Variants in CDH2 observed in about 807,000 individuals in gnomAD.
CDH2 encodes cadherin-2.
Under a neutral mutation model 92.0 loss-of-function variants are expected in CDH2, and 17 were observed. That is an observed-to-expected ratio of 0.18 (90% CI 0.13 to 0.28). CDH2 has a LOEUF of 0.28. CDH2 is among the 10% of genes least tolerant of loss of function. CDH2 has a pLI of 1.00. For synonymous variants in CDH2, 419 were observed against 415.9 expected, an observed-to-expected ratio of 1.01 and a Z score of -0.09; for missense variants, 862 against 1,133.1, an observed-to-expected ratio of 0.76 and a Z score of 3.44.
At chr18:27,947,631 A>G (rs1961039519), downstream of CDH2, among the ~76,000 whole-genome samples, 1 of 151,866 alleles carries the variant, frequency 6.6e-6, no homozygotes, top group South Asian at 2.1e-4. Flanking sequence ...TGCTTATATG[A>G]CAACTGTGAT....
chr18:27,937,399 C>G (rs1485140787), intron 6 of CDH2, among the ~76,000 whole-genome samples: 16 of 152,072 alleles, frequency 1.1e-4, no homozygotes, highest in African/African-American at 3.9e-4. Flanking sequence ...TTAGTTTACT[C>G]ACCGGTAAGA....
At chr18:28,082,857 T>C (rs2014857246) in intron 2 of CDH2, among the ~76,000 whole-genome samples, 1 of 152,198 alleles carries the variant, frequency 6.6e-6, no homozygotes, top group Non-Finnish European at 1.5e-5. Flanking sequence ...GAAAAGTATT[T>C]CAGCACTGGT....
chr18:27,963,390 T>G lies in CDH2; in HGVS notation c.2481A>C (p.Pro827=). 1 of 1,614,038 alleles carries G rather than the reference T, an allele frequency of 6.2e-7. No homozygotes were observed. The highest frequency in any genetic ancestry group is 1.1e-5 in the South Asian group (1 of 91,070). Residue 827 remains proline (P), a synonymous_variant, in exon 15 of 16, where the codon CCA becomes CCC. Coordinates refer to ENST00000269141, the MANE Select transcript of CDH2 (RefSeq NM_001792.5). ...EPQYPVRSAA[P]HPGDIGDFIN... Reference sequence around the variant, plus strand: ...TGAAGTCCCCAATGTCTCCAGGGTGTGGGGCTGCAGATCGGACCGGATACT... The same window carrying G: ...TGAAGTCCCCAATGTCTCCAGGGTGGGGGGCTGCAGATCGGACCGGATACT...
chr18:28,134,571 A>G lies in CDH2; in HGVS notation c.172+13102T>C, dbSNP rs2015830468. On this transcript the variant is annotated intron_variant, in intron 2 of 15. Coordinates refer to ENST00000269141, the MANE Select transcript of CDH2 (RefSeq NM_001792.5). The stretch of plus-strand genomic sequence containing the variant: ...CAAAAAATTAAAAAATTAGCTGGGC[A>G]TGGTGGTGCATGCCTGTAGTCCCAG... 2.6e-5 allele frequency among the ~76,000 whole-genome samples: 4 copies of G among 152,228 alleles called. No homozygotes were observed. The South Asian group carries it at 6.2e-4, about 24-fold the overall frequency.
chr18:28,015,139 GTTC>G (rs765947426), intron 2 of CDH2, among the ~76,000 whole-genome samples: 4 of 152,242 alleles, frequency 2.6e-5, no homozygotes, highest in Admixed American at 1.3e-4. Context: ...GCTGCTGACA[GTTC>G]TTCTGCTGTC....
At chr18:28,154,516 A>G (rs577367920) in intron 1 of CDH2, among the ~76,000 whole-genome samples, 1 of 152,306 alleles carries the variant, frequency 6.6e-6, no homozygotes, top group East Asian at 1.9e-4. Context: ...GTGTAATAGG[A>G]GTTGAGGAGT....
intron 15 of CDH2, among the ~76,000 whole-genome samples, chr18:27,956,195 T>G (rs574051847): frequency 6.6e-6 from 1 of 152,322 alleles, no homozygotes; most frequent in South Asian, 2.1e-4. Flanking sequence ...CAGGATGTAC[T>G]GTTACCAAAT....
intron 1 of CDH2, among the ~76,000 whole-genome samples, chr18:28,163,665 G>A (rs1598520207): frequency 6.6e-6 from 1 of 152,212 alleles, no homozygotes; most frequent in Non-Finnish European, 1.5e-5. Context: ...AGCATGCAAT[G>A]CTCTACAGCA....
intron 15 of CDH2, among the ~76,000 whole-genome samples, chr18:27,958,466 T>C (rs1456644372): frequency 6.6e-6 from 1 of 150,522 alleles, no homozygotes; most frequent in Non-Finnish European, 1.5e-5. Context: ...AAAATCTCTT[T>C]ATATATGTAT....
intron 11 of CDH2, among the ~76,000 whole-genome samples, chr18:27,986,034 C>G (rs892767174): frequency 6.6e-6 from 1 of 152,120 alleles, no homozygotes; most frequent in Admixed American, 6.6e-5. Context: ...ACCCTCCCTG[C>G]CCCTCCTGCC....
At chr18:28,175,921 G>A (rs920743590) in intron 1 of CDH2, among the ~76,000 whole-genome samples, 1 of 152,186 alleles carries the variant, frequency 6.6e-6, no homozygotes, top group Non-Finnish European at 1.5e-5. Context: ...CACCCGCCCA[G>A]CTAGAGGGTC....
intron 7 of CDH2, among the ~76,000 whole-genome samples, chr18:27,999,401 G>A (rs532015324): frequency 3.3e-5 from 5 of 152,112 alleles, no homozygotes; most frequent in Admixed American, 6.5e-5. Context: ...ACCTGTAGAG[G>A]AAGGAAGATT....
chr18:28,015,744 G>C (rs921797636), intron 2 of CDH2, among the ~76,000 whole-genome samples: 3 of 151,958 alleles, frequency 2.0e-5, no homozygotes, highest in Non-Finnish European at 4.4e-5. Flanking sequence ...AAGCCTCCTG[G>C]GTAGTCTTCC....
At chr18:28,060,468 T>G (rs1028535480) in intron 2 of CDH2, among the ~76,000 whole-genome samples, 1 of 152,204 alleles carries the variant, frequency 6.6e-6, no homozygotes, top group Non-Finnish European at 1.5e-5. Flanking sequence ...ATTACAGGCA[T>G]GAGCCACTGC....
At chr18:27,984,656 T>G (rs1481828459) in intron 13 of CDH2, among the ~76,000 whole-genome samples, 1 of 152,198 alleles carries the variant, frequency 6.6e-6, no homozygotes, top group African/African-American at 2.4e-5. Context: ...GTGCCATAAA[T>G]TCATACTCAA....
At chr18:28,167,580 G>A (rs1162552718) in intron 1 of CDH2, among the ~76,000 whole-genome samples, 3 of 152,080 alleles carry the variant, frequency 2.0e-5, no homozygotes, top group Non-Finnish European at 4.4e-5. Context: ...AAATCATGCT[G>A]TTGGAAGTCA....
intron 2 of CDH2, among the ~76,000 whole-genome samples, chr18:28,063,968 T>C (rs2014455632): frequency 6.6e-6 from 1 of 152,194 alleles, no homozygotes; most frequent in Admixed American, 6.5e-5. Flanking sequence ...TATTCTACCT[T>C]TAAGATCGAC....
chr18:28,109,068 T>G (rs956598298), intron 2 of CDH2, among the ~76,000 whole-genome samples: 4 of 152,160 alleles, frequency 2.6e-5, no homozygotes, highest in African/African-American at 9.7e-5. Context: ...ACAGCCACCA[T>G]GCCATGGGAG....
At chr18:28,141,428 G>A (rs560841825) in intron 2 of CDH2, among the ~76,000 whole-genome samples, 1 of 152,066 alleles carries the variant, frequency 6.6e-6, no homozygotes, top group East Asian at 1.9e-4. Flanking sequence ...TTTAGAACTA[G>A]ATAGAGGTAT....
Sources: gnomAD v4.1 joint callset for allele counts (sites outside exome capture counted in the v4.1 genomes callset) on GRCh38, gnomAD v4.1.1 for gene constraint, MANE v1.5 for transcripts, NCBI Gene and HGNC (gene_info 2026-07-23, HGNC 2026-07-21) for gene names.